The following TET1 variants were observed in gnomAD, a reference collection of about 807,000 sequenced individuals.
TET1 encodes the protein methylcytosine dioxygenase TET1.
TET1 carries 13 observed loss-of-function variants against 148.7 expected under a neutral mutation model. That is an observed-to-expected ratio of 0.09 (90% confidence interval 0.06 to 0.14). The LOEUF (loss-of-function observed/expected upper bound fraction) is 0.14, where lower values mean the gene tolerates loss of function less well. Ranked by LOEUF, TET1 falls within the 10% of genes least tolerant of loss-of-function variation. The pLI, the probability that TET1 is intolerant of heterozygous loss-of-function variation, is 1.00. For missense variants in TET1, 2,182 were observed against 2,553.8 expected (o/e 0.85, Z 3.14); for synonymous variants, 907 against 937.2 (o/e 0.97, Z 0.59).
intron 8 of TET1, among the ~76,000 whole-genome samples, chr10:68,681,196 T>C (rs769155408): frequency 6.6e-6 from 1 of 152,248 alleles, no homozygotes; most frequent in Non-Finnish European, 1.5e-5. Flanking sequence ...GAATTTTCAT[T>C]TCAAAAGACT....
intron 3 of TET1, among the ~76,000 whole-genome samples, chr10:68,630,852 G>A (rs1266079974): frequency 6.6e-6 from 1 of 152,132 alleles, no homozygotes; most frequent in Non-Finnish European, 1.5e-5. Context: ...TTGAAGTGAC[G>A]ACGATCCTAA....
chr10:68,566,768 C>A (rs1211109766), intron 1 of TET1, among the ~76,000 whole-genome samples: 2 of 151,150 alleles, frequency 1.3e-5, no homozygotes, highest in Non-Finnish European at 2.9e-5. Context: ...ATAGCAAACT[C>A]TGAGTTAAAC....
At chr10:68,607,255 C>T (rs2054137390) in intron 3 of TET1, among the ~76,000 whole-genome samples, 1 of 151,520 alleles carries the variant, frequency 6.6e-6, no homozygotes, top group South Asian at 2.1e-4. Context: ...TCATCTGGTA[C>T]GTGTTTGTGT....
chr10:68,620,676 T>G (rs1264226855), intron 3 of TET1, among the ~76,000 whole-genome samples: 1 of 152,084 alleles, frequency 6.6e-6, no homozygotes. Flanking sequence ...TTCACTCTTC[T>G]TGGGTACATA....
At chr10:68,657,127 C>G (rs72799527) in intron 6 of TET1, among the ~76,000 whole-genome samples, 1 of 151,880 alleles carries the variant, frequency 6.6e-6, no homozygotes, top group Non-Finnish European at 1.5e-5. Context: ...CACTGGAGCC[C>G]AGTAGTTGGA....
chr10:68,594,845 G>A (rs1305325111), intron 2 of TET1, among the ~76,000 whole-genome samples: 2 of 151,944 alleles, frequency 1.3e-5, no homozygotes, highest in Non-Finnish European at 2.9e-5. Context: ...CGGGCGTGGT[G>A]GCACGTGCCT....
intron 3 of TET1, among the ~76,000 whole-genome samples, chr10:68,608,239 A>G (rs1253266959): frequency 7.6e-6 from 1 of 131,362 alleles, no homozygotes; most frequent in Admixed American, 7.7e-5. Flanking sequence ...ACAATGTCCT[A>G]TTTATTTATT....
rs1374502630 is a variant in TET1 at position 68,693,380 on chromosome 10, G to C, written c.*1566G>C. On this transcript the variant is annotated 3_prime_UTR_variant, in exon 12 of 12. Transcript: ENST00000373644. ...TGCTTCTCCCTTGGAAATGCCATAG[G>C]AAGCCCACAACCGCTAACACTTACA... 4.3e-6 allele frequency: 1 copy of C among 233,224 alleles called. No homozygotes were observed. The highest frequency in any genetic ancestry group is 8.5e-6 in the Non-Finnish European group (1 of 117,914). The allele number at this position is 233,224 out of a possible 1,614,324, so 14.4% of individuals were successfully genotyped here.
chr10:68,617,028 TTTTTTTTTTTTTTTTTG>T (rs2132950307), intron 3 of TET1, among the ~76,000 whole-genome samples: 2 of 42,212 alleles, frequency 4.7e-5, no homozygotes, highest in African/African-American at 7.7e-5. Flanking sequence ...TTTTTTTTTT[TTTTTTTTTTTTTTTTTG>T]AGACGGAGTC....
intron 7 of TET1, among the ~76,000 whole-genome samples, chr10:68,667,752 A>G (rs940139422): frequency 6.6e-6 from 1 of 151,720 alleles, no homozygotes; most frequent in East Asian, 1.9e-4. Context: ...TCAAAAAAAA[A>G]AAACAAAAAA....
intron 8 of TET1, among the ~76,000 whole-genome samples, chr10:68,676,344 C>T (rs541627034): frequency 1.2e-4 from 15 of 129,194 alleles, no homozygotes; most frequent in East Asian, 2.4e-4. Flanking sequence ...AGTGCAGTGG[C>T]GCGATCTCAT....
At chr10:68,644,557 G>T in intron 3 of TET1, 141 bp from the exon 4 acceptor site, 1 of 773,332 alleles carries the variant, frequency 1.3e-6, no homozygotes. Flanking sequence ...TTATGACTTC[G>T]CTGAATGTGT....
chr10:68,578,341 C>T (rs1474515272), intron 2 of TET1, among the ~76,000 whole-genome samples: 2 of 152,134 alleles, frequency 1.3e-5, no homozygotes, highest in Non-Finnish European at 2.9e-5. Context: ...TCACTGCGAC[C>T]TCCACCTCCC....
chr10:68,575,921 G>A (rs2053724493), intron 2 of TET1, among the ~76,000 whole-genome samples: 2 of 151,120 alleles, frequency 1.3e-5, no homozygotes, highest in African/African-American at 2.4e-5. Flanking sequence ...TGGGGAGGCT[G>A]AGGCAGGAGA....
At chr10:68,572,008 T>C (rs2053675739) in intron 1 of TET1, among the ~76,000 whole-genome samples, 2 of 152,174 alleles carry the variant, frequency 1.3e-5, no homozygotes, top group South Asian at 4.1e-4. Context: ...TCCTAGCTAC[T>C]TGGGGGGCTG....
chr10:68,593,651 G>T (rs967533298), intron 2 of TET1, among the ~76,000 whole-genome samples: 2 of 151,668 alleles, frequency 1.3e-5, no homozygotes, highest in Non-Finnish European at 2.9e-5. Context: ...CGCTCTTGTT[G>T]CACAGGCTGG....
intron 3 of TET1, among the ~76,000 whole-genome samples, chr10:68,622,133 TGG>T (rs930423633): frequency 6.6e-6 from 1 of 152,154 alleles, no homozygotes; most frequent in African/African-American, 2.4e-5. Flanking sequence ...TGTCCTTTTT[TGG>T]GTGCAGGATT....
intron 1 of TET1, among the ~76,000 whole-genome samples, chr10:68,566,059 A>C (rs1350258522): frequency 6.6e-6 from 1 of 152,194 alleles, no homozygotes. Flanking sequence ...ACAAGTCTGA[A>C]TTTCTAAAGC....
Position 68,644,796 on chromosome 10 carries a change from A to T in TET1, c.2067A>T (p.Pro689=), listed in dbSNP as rs149641462. ...HGEEQKLELN[P]HTVENVTKNE... The stretch of plus-strand genomic sequence containing the variant: ...AAGAACAAAAATTGGAATTGAACCC[A>T]CATACTGTTGAAAATGTAACTAAAA... Residue 689 remains proline (P), a synonymous_variant, in exon 4 of 12, where the codon CCA becomes CCT. Transcript: ENST00000373644. 3.1e-6 allele frequency: 5 copies of T among 1,613,924 alleles called. No homozygotes were observed. In the African/African-American group the frequency reaches 6.7e-5, roughly 22 times the overall value.
Sources: gnomAD v4.1 joint callset for allele counts (sites outside exome capture counted in the v4.1 genomes callset) on GRCh38, gnomAD v4.1.1 for gene constraint, MANE v1.5 for transcripts, NCBI Gene and HGNC (gene_info 2026-07-23, HGNC 2026-07-21) for gene names.